Variants in SLC49A4 observed in about 807,000 individuals in gnomAD.
The protein encoded by SLC49A4 is disrupted in renal cancer protein 2.
SLC49A4 carries 36 observed loss-of-function variants against 50.6 expected under a neutral mutation model. The ratio of observed to expected loss-of-function variants is 0.71; its 90% CI spans 0.55 to 0.94. SLC49A4 has a LOEUF of 0.94. Among genes scored for constraint, SLC49A4 ranks in the 40% least tolerant of loss-of-function variants. SLC49A4 has a pLI of 0.00. For synonymous variants in SLC49A4, 248 were observed against 241.2 expected (o/e 1.03, Z -0.26); for missense variants, 503 against 605.7 (o/e 0.83, Z 1.78).
Position 122,871,081 on chromosome 3 carries a change from G to A in SLC49A4, c.1139-1334G>A, listed in dbSNP as rs141988522. Reference sequence around the variant, plus strand: ...ATGGTATTTATCATAGCTATCAGATGCTTCCCAAGTAATTGTGCAAATAAT... The same window carrying A: ...ATGGTATTTATCATAGCTATCAGATACTTCCCAAGTAATTGTGCAAATAAT... On this transcript the variant is annotated intron_variant, in intron 7 of 8. Transcript: ENST00000261038. 6.9e-3 allele frequency among the ~76,000 whole-genome samples: 1,054 copies of A among 152,178 alleles called. 20 individuals carry two copies. Among genetic ancestry groups the A allele is most frequent in the African/African-American group, 0.025 (1,018 of 41,534 alleles).
At chr3:122,850,823 A>G (rs1407757786) in intron 5 of SLC49A4, among the ~76,000 whole-genome samples, 2 of 152,188 alleles carry the variant, frequency 1.3e-5, no homozygotes, top group Non-Finnish European at 2.9e-5. Context: ...TAGTGCATTT[A>G]TATTTAATAC....
intron 7 of SLC49A4, among the ~76,000 whole-genome samples, chr3:122,869,224 C>CT (rs1937162227): frequency 1.1e-5 from 1 of 90,680 alleles, no homozygotes; most frequent in Admixed American, 1.7e-4. Flanking sequence ...TCTCCTGTGA[C>CT]CCCCCCCAGT....
intron 8 of SLC49A4, among the ~76,000 whole-genome samples, chr3:122,873,663 G>T (rs1471729359): frequency 5.9e-5 from 9 of 152,186 alleles, no homozygotes; most frequent in Non-Finnish European, 1.3e-4. Context: ...TGCTAAACCT[G>T]ATACAAGTTT....
At chr3:122,801,687 A>G (rs1936135378) in intron 1 of SLC49A4, among the ~76,000 whole-genome samples, 1 of 152,244 alleles carries the variant, frequency 6.6e-6, no homozygotes, top group South Asian at 2.1e-4. Flanking sequence ...GAGGTAGGGA[A>G]AAGAGCGTAC....
chr3:122,840,348 T>C (rs913574354), intron 4 of SLC49A4, among the ~76,000 whole-genome samples: 1 of 152,180 alleles, frequency 6.6e-6, no homozygotes, highest in African/African-American at 2.4e-5. Flanking sequence ...TTCATCCTTG[T>C]AACCAAAAAT....
intron 2 of SLC49A4, among the ~76,000 whole-genome samples, chr3:122,823,147 C>T (rs1312253184): frequency 6.6e-6 from 1 of 152,216 alleles, no homozygotes; most frequent in Non-Finnish European, 1.5e-5. Flanking sequence ...GTCTTATGCA[C>T]TAGCTACACA....
intron 1 of SLC49A4, among the ~76,000 whole-genome samples, chr3:122,802,193 A>T (rs1936143859): frequency 6.6e-6 from 1 of 152,100 alleles, no homozygotes; most frequent in Admixed American, 6.5e-5. Flanking sequence ...AATATGTAAA[A>T]CAATGGTTTT....
Position 122,851,951 on chromosome 3 carries a change from A to G in SLC49A4, c.943-4356A>G, listed in dbSNP as rs143081628. 5.7e-3 allele frequency among the ~76,000 whole-genome samples: 850 copies of G among 148,958 alleles called. 6 individuals carry two copies. Among genetic ancestry groups the G allele is most frequent in the African/African-American group, 0.02 (803 of 40,588 alleles). Reference sequence around the variant, plus strand: ...CTGTGTCAAATATGCTATTAAATTCATCTGTGAGTTACTTTACATTTTATA... The same window carrying G: ...CTGTGTCAAATATGCTATTAAATTCGTCTGTGAGTTACTTTACATTTTATA... On this transcript the variant is annotated intron_variant, in intron 5 of 8. Transcript: ENST00000261038.
At position 122,872,613 on chromosome 3, in the gene SLC49A4, T is replaced by C. The variant is rs1448434519; in HGVS notation, c.1321+16T>C. On this transcript the variant is annotated intron_variant, in intron 8 of 8. Transcript: ENST00000261038. ...TATCATACAGGTAAGAAATTTGATT[T>C]TTTATTTACTATCTAAATGTGTTAC... The C allele has an allele frequency of 6.5e-7, 1 of 1,540,732 alleles. No homozygotes were observed. Among genetic ancestry groups the C allele is most frequent in the Non-Finnish European group, 8.8e-7 (1 of 1,131,448 alleles).
chr3:122,839,044 G>A (rs1218270292), intron 4 of SLC49A4, among the ~76,000 whole-genome samples: 1 of 152,016 alleles, frequency 6.6e-6, no homozygotes, highest in Non-Finnish European at 1.5e-5. Flanking sequence ...AGTAGTCAAT[G>A]GGACAGTCCA....
chr3:122,799,622 G>A (rs1002932751), intron 1 of SLC49A4, among the ~76,000 whole-genome samples: 5 of 152,188 alleles, frequency 3.3e-5, no homozygotes, highest in Non-Finnish European at 7.3e-5. Flanking sequence ...CGGGCTTTAA[G>A]TGGAAGAGTA....
At chr3:122,877,073 G>A (rs972858315) in intron 8 of SLC49A4, among the ~76,000 whole-genome samples, 26 of 152,124 alleles carry the variant, frequency 1.7e-4, no homozygotes, top group Non-Finnish European at 3.2e-4. Flanking sequence ...TCAGTGGCTC[G>A]CGATTCTGTT....
chr3:122,822,050 G>A lies in SLC49A4; in HGVS notation c.438-4750G>A, dbSNP rs754370873. ...CCGAGAGCATCCACACTGCCTTAGC[G>A]CTATGGGAGTGAGGCCTGTGGGGAC... On this transcript the variant is annotated intron_variant, in intron 2 of 8. Transcript: ENST00000261038. 2.6e-5 allele frequency among the ~76,000 whole-genome samples: 4 copies of A among 152,230 alleles called. 1 individual carries two copies. The South Asian group carries it at 8.3e-4, about 32-fold the overall frequency.
At chr3:122,805,103 C>T (rs1331203396) in intron 1 of SLC49A4, among the ~76,000 whole-genome samples, 1 of 152,034 alleles carries the variant, frequency 6.6e-6, no homozygotes, top group African/African-American at 2.4e-5. Context: ...CTTGTAAGAG[C>T]AACATTTTGT....
intron 4 of SLC49A4, among the ~76,000 whole-genome samples, chr3:122,841,579 C>T (rs1000623376): frequency 2.0e-5 from 3 of 152,154 alleles, no homozygotes; most frequent in African/African-American, 7.2e-5. Flanking sequence ...TTCACTGCTT[C>T]GCTTCAAATT....
intron 4 of SLC49A4, among the ~76,000 whole-genome samples, chr3:122,834,714 G>T (rs1421491841): frequency 1.3e-5 from 2 of 151,818 alleles, no homozygotes; most frequent in Non-Finnish European, 2.9e-5. Context: ...ACAAAGATCA[G>T]AGCAGAACTA....
chr3:122,827,670 C>A (rs1936551736), intron 3 of SLC49A4, among the ~76,000 whole-genome samples: 3 of 152,222 alleles, frequency 2.0e-5, no homozygotes, highest in Admixed American at 1.3e-4. Context: ...GCCCCTCTCT[C>A]TATATCCCTG....
At chr3:122,819,847 T>A (rs901264979) in intron 2 of SLC49A4, among the ~76,000 whole-genome samples, 8 of 151,952 alleles carry the variant, frequency 5.3e-5, no homozygotes, top group African/African-American at 1.4e-4. Context: ...TTTTTTTTTT[T>A]AAAGAATATG....
chr3:122,878,689 A>G (rs969071858), intron 8 of SLC49A4, among the ~76,000 whole-genome samples: 1 of 152,240 alleles, frequency 6.6e-6, no homozygotes, highest in African/African-American at 2.4e-5. Flanking sequence ...AAATAAGCCA[A>G]AATATTCACA....
Sources: allele counts gnomAD v4.1 joint callset (sites outside exome capture counted in the v4.1 genomes callset), GRCh38; gene constraint gnomAD v4.1.1; transcripts MANE v1.5; gene names NCBI Gene and HGNC (gene_info 2026-07-23, HGNC 2026-07-21).